Variants in HPSE2 observed in about 807,000 individuals in gnomAD.
The protein encoded by HPSE2 is heparanase 2 (inactive).
HPSE2 carries 38 observed loss-of-function variants against 60.5 expected under a neutral mutation model. That is an observed-to-expected ratio of 0.63 (90% CI 0.48 to 0.82). The LOEUF is 0.82. Among genes scored for constraint, HPSE2 ranks in the 40% least tolerant of loss-of-function variants. The probability of loss-of-function intolerance (pLI) is 0.00; values close to 1 mark genes in which losing one functional copy is unlikely to be tolerated. For synonymous variants in HPSE2, 295 were observed against 293.2 expected, an observed-to-expected ratio of 1.01 and a Z score of -0.06; for missense variants, 713 against 740.4, an observed-to-expected ratio of 0.96 and a Z score of 0.43.
At chr10:99,303,839 C>T in the HPSE2 span, among the ~76,000 whole-genome samples, 2 of 152,120 alleles carry the variant, frequency 1.3e-5, no homozygotes, top group African/African-American at 2.4e-5. Flanking sequence ...ACTATCTTTT[C>T]ACTAATTTTT....
intron 3 of HPSE2, among the ~76,000 whole-genome samples, chr10:99,071,774 T>A (rs1012937262): frequency 6.6e-6 from 1 of 152,224 alleles, no homozygotes; most frequent in Non-Finnish European, 1.5e-5. Flanking sequence ...AATTTCATTG[T>A]TTTGCATGTG....
At chr10:99,235,949 C>A, upstream of HPSE2, 1 of 669,634 alleles carries the variant, frequency 1.5e-6, no homozygotes, top group South Asian at 1.6e-5. Context: ...CTCTCTCTCT[C>A]TCCCGCTCTC....
Position 98,653,442 on chromosome 10 carries a change from T to A in HPSE2, c.1005-11502A>T, listed in dbSNP as rs116151404. On this transcript the variant is annotated intron_variant, in intron 6 of 11. Coordinates refer to ENST00000370552, the MANE Select transcript of HPSE2 (RefSeq NM_021828.5). ...TTTTTTTTAATCTCTTCTTTTTTTG[T>A]TTTCTCTGGTTTTAATTGAGCATTT... 5.8e-3 allele frequency among the ~76,000 whole-genome samples: 887 copies of A among 152,064 alleles called. 4 individuals are homozygous for A. The highest frequency in any genetic ancestry group is 0.02 in the African/African-American group (839 of 41,538).
chr10:98,761,607 A>G (rs1008559833), intron 3 of HPSE2, among the ~76,000 whole-genome samples: 1 of 152,242 alleles, frequency 6.6e-6, no homozygotes, highest in Non-Finnish European at 1.5e-5. Context: ...ATATGAAGAC[A>G]TGACTGCCAT....
chr10:98,956,823 G>A (rs1955521519), intron 3 of HPSE2, among the ~76,000 whole-genome samples: 1 of 151,992 alleles, frequency 6.6e-6, no homozygotes, highest in Admixed American at 6.6e-5. Flanking sequence ...GCCTCTCTGA[G>A]GAGTCATATG....
intron 6 of HPSE2, 66 bp from the exon 7 acceptor site, chr10:98,642,006 A>G (rs892136849): frequency 3.0e-6 from 4 of 1,349,770 alleles, no homozygotes; most frequent in Non-Finnish European, 4.2e-6. Flanking sequence ...ACACTTCTCT[A>G]GCCCAAGGTC....
intron 2 of HPSE2, among the ~76,000 whole-genome samples, chr10:99,230,935 G>A (rs755465696): frequency 1.3e-5 from 2 of 152,180 alleles, no homozygotes; most frequent in Non-Finnish European, 2.9e-5. Flanking sequence ...TACCATAGGA[G>A]GTGCTGTTAA....
intron 2 of HPSE2, among the ~76,000 whole-genome samples, chr10:99,172,843 A>G (rs1847368307): frequency 6.6e-6 from 1 of 152,072 alleles, no homozygotes; most frequent in South Asian, 2.1e-4. Context: ...GCGCCACTGC[A>G]CTCCAGCCTA....
chr10:99,064,867 G>A (rs923716708), intron 3 of HPSE2, among the ~76,000 whole-genome samples: 7 of 152,008 alleles, frequency 4.6e-5, no homozygotes, highest in Non-Finnish European at 1.0e-4. Flanking sequence ...ATAAGGAAAT[G>A]TGGTAATTCT....
chr10:99,232,657 T>C (rs1849698119), intron 1 of HPSE2, 152 bp from the exon 2 acceptor site: 1 of 902,448 alleles, frequency 1.1e-6, no homozygotes, highest in Non-Finnish European at 1.7e-6. Context: ...ACGCTGGCCC[T>C]TGGCCGCTGC....
At chr10:98,476,024 G>A (rs997510088) in intron 11 of HPSE2, among the ~76,000 whole-genome samples, 26 of 151,908 alleles carry the variant, frequency 1.7e-4, no homozygotes, top group Non-Finnish European at 3.1e-4. Flanking sequence ...ACATGCACAC[G>A]TATGTTTATT....
intron 3 of HPSE2, among the ~76,000 whole-genome samples, chr10:98,867,953 T>C (rs926873798): frequency 6.6e-6 from 1 of 151,956 alleles, no homozygotes; most frequent in African/African-American, 2.4e-5. Flanking sequence ...TCCCAGGTAC[T>C]CTGGAGGGTG....
the HPSE2 span, among the ~76,000 whole-genome samples, chr10:99,259,766 T>C: frequency 6.6e-6 from 1 of 152,102 alleles, no homozygotes; most frequent in Non-Finnish European, 1.5e-5. Context: ...CAGCAGGAGG[T>C]GAGCAACAGG....
chr10:98,655,486 A>C (rs545097960), intron 6 of HPSE2, among the ~76,000 whole-genome samples: 1 of 152,302 alleles, frequency 6.6e-6, no homozygotes, highest in East Asian at 1.9e-4. Context: ...GTAACTGTGG[A>C]TTCACCTGTC....
intron 3 of HPSE2, among the ~76,000 whole-genome samples, chr10:98,748,282 G>A (rs1323664338): frequency 6.6e-6 from 1 of 152,156 alleles, no homozygotes; most frequent in Non-Finnish European, 1.5e-5. Flanking sequence ...TCCAGCCTGG[G>A]TGACAAGAGT....
chr10:99,187,808 G>A (rs1342573), intron 2 of HPSE2, among the ~76,000 whole-genome samples: 75,044 of 151,976 alleles, frequency 0.49, 21,707 homozygotes, highest in Non-Finnish European at 0.64. Flanking sequence ...AATGGTCCAA[G>A]CACTTGGGGA....
At chr10:98,967,018 G>A (rs1955829896) in intron 3 of HPSE2, among the ~76,000 whole-genome samples, 1 of 152,148 alleles carries the variant, frequency 6.6e-6, no homozygotes, top group African/African-American at 2.4e-5. Flanking sequence ...TATCTAATTT[G>A]CATCCTAAGA....
intron 3 of HPSE2, among the ~76,000 whole-genome samples, chr10:98,794,300 G>C (rs1950723941): frequency 6.7e-6 from 1 of 150,060 alleles, no homozygotes; most frequent in Admixed American, 6.6e-5. Flanking sequence ...GAATGCAGTG[G>C]TGAGATCTGA....
chr10:99,086,677 T>C (rs994757624), intron 3 of HPSE2, among the ~76,000 whole-genome samples: 1 of 152,214 alleles, frequency 6.6e-6, no homozygotes, highest in African/African-American at 2.4e-5. Context: ...TCTGAAGATT[T>C]TAAATAATTA....
Sources: allele counts gnomAD v4.1 joint callset (sites outside exome capture counted in the v4.1 genomes callset), GRCh38; gene constraint gnomAD v4.1.1; transcripts MANE v1.5; gene names NCBI Gene and HGNC (gene_info 2026-07-23, HGNC 2026-07-21).